The following CDK14 variants were observed in gnomAD, a reference collection of about 807,000 sequenced individuals.
CDK14 encodes the protein cyclin-dependent kinase 14.
CDK14 carries 34 observed loss-of-function variants against 60.7 expected under a neutral mutation model. The ratio of observed to expected loss-of-function variants is 0.56; its 90% confidence interval spans 0.43 to 0.75. The LOEUF (loss-of-function observed/expected upper bound fraction) is 0.75, where lower values mean the gene tolerates loss of function less well. Ranked by LOEUF, CDK14 falls within the 30% of genes least tolerant of loss-of-function variation. The probability of loss-of-function intolerance (pLI) is 0.00; values close to 1 mark genes in which losing one functional copy is unlikely to be tolerated. For synonymous variants in CDK14, 197 were observed against 203.7 expected (o/e 0.97, Z 0.28); for missense variants, 482 against 564.1 (o/e 0.85, Z 1.47).
intron 2 of CDK14, among the ~76,000 whole-genome samples, chr7:90,616,519 C>A (rs927998918): frequency 2.0e-5 from 3 of 152,076 alleles, no homozygotes; most frequent in African/African-American, 7.2e-5. Flanking sequence ...ATCCTTGGGT[C>A]ATTACATATT....
In CDK14 at chr7:90,842,799, A is replaced by G. The variant is rs185969485; in HGVS notation, c.545-20376A>G. 6.6e-5 allele frequency among the ~76,000 whole-genome samples: 10 copies of G among 152,310 alleles called. No individual in the cohort carries two copies. The East Asian group carries it at 1.9e-3, about 29-fold the overall frequency. The stretch of plus-strand genomic sequence containing the variant: ...TTTTTGCACCATTGCAAAAGTTGGT[A>G]CCTGGAACCCTAATTTGTAAAATTT... On this transcript the variant is annotated intron_variant, in intron 5 of 14. Coordinates refer to ENST00000380050, the MANE Select transcript of CDK14 (RefSeq NM_001287135.2).
At chr7:91,085,273 G>T (rs1378326709) in intron 12 of CDK14, among the ~76,000 whole-genome samples, 1 of 152,158 alleles carries the variant, frequency 6.6e-6, no homozygotes, top group East Asian at 1.9e-4. Flanking sequence ...TGCTCATGCA[G>T]GTTGTTGGCA....
intron 2 of CDK14, among the ~76,000 whole-genome samples, chr7:90,693,005 C>T (rs535205736): frequency 2.2e-4 from 34 of 151,652 alleles, no homozygotes; most frequent in African/African-American, 8.2e-4. Context: ...GTGGGATGTA[C>T]TAGGAAAAGG....
At chr7:91,005,980 A>T (rs544243912) in intron 10 of CDK14, among the ~76,000 whole-genome samples, 1 of 152,216 alleles carries the variant, frequency 6.6e-6, no homozygotes, top group Non-Finnish European at 1.5e-5. Flanking sequence ...AAAGACACCC[A>T]GTCTTGTCCT....
rs149576590 is a variant in CDK14, at chr7:91,171,433, T to C, written c.*29-35732T>C. On this transcript the variant is annotated intron_variant, in intron 14 of 14. Transcript: ENST00000380050. ...ATATTTGCTATGACTAGTGTTGTTA[T>C]ATGAACTAAAAGATGCTTTTATTAG... Among the ~76,000 whole-genome samples, 10 of 152,340 alleles carry C rather than the reference T, an allele frequency of 6.6e-5. 1 individual carries two copies. In the East Asian group the frequency reaches 1.7e-3, roughly 26 times the overall value.
chr7:90,707,708 G>A lies in CDK14; in HGVS notation c.124-18859G>A, dbSNP rs1373775850. 3.3e-5 allele frequency among the ~76,000 whole-genome samples: 5 copies of A among 152,140 alleles called. No individual in the cohort carries two copies. The South Asian group carries it at 1.0e-3, about 32-fold the overall frequency. On this transcript the variant is annotated intron_variant, in intron 2 of 14. Coordinates refer to ENST00000380050, the MANE Select transcript of CDK14 (RefSeq NM_001287135.2). ...TGGTTATTTCCTCATACAGCTTCCA[G>A]TTTCAGGCTTCATGCTATTCCCCAA...
At chr7:90,837,704 C>CT (rs1351853773) in intron 5 of CDK14, among the ~76,000 whole-genome samples, 2 of 152,020 alleles carry the variant, frequency 1.3e-5, no homozygotes, top group African/African-American at 4.8e-5. Context: ...TTCTTCTTTG[C>CT]TTTTTTTACT....
At chr7:90,706,402 T>C (rs1212684785) in intron 2 of CDK14, among the ~76,000 whole-genome samples, 1 of 152,186 alleles carries the variant, frequency 6.6e-6, no homozygotes, top group Non-Finnish European at 1.5e-5. Flanking sequence ...TGTTTGAACT[T>C]CTGTCATCAG....
intron 6 of CDK14, among the ~76,000 whole-genome samples, chr7:90,886,839 A>G (rs1158296651): frequency 6.6e-6 from 1 of 152,172 alleles, no homozygotes; most frequent in Non-Finnish European, 1.5e-5. Context: ...TTTCCAGAGT[A>G]TCTGTAATTT....
intron 14 of CDK14, among the ~76,000 whole-genome samples, chr7:91,168,584 C>T (rs1022659489): frequency 6.6e-6 from 1 of 152,080 alleles, no homozygotes; most frequent in African/African-American, 2.4e-5. Flanking sequence ...ATTTTTCTCT[C>T]TTAAAAAGAA....
intron 11 of CDK14, among the ~76,000 whole-genome samples, chr7:91,053,013 A>AT (rs1797435576): frequency 6.6e-6 from 1 of 151,688 alleles, no homozygotes; most frequent in African/African-American, 2.4e-5. Flanking sequence ...CAAAAAAAAA[A>AT]GCCGTCTCTT....
intron 5 of CDK14, among the ~76,000 whole-genome samples, chr7:90,834,471 T>C (rs1241521721): frequency 1.3e-5 from 2 of 152,062 alleles, no homozygotes; most frequent in East Asian, 3.9e-4. Flanking sequence ...AAGATGAGAT[T>C]TTATTAGGAC....
intron 6 of CDK14, among the ~76,000 whole-genome samples, chr7:90,897,831 C>T (rs80137350): frequency 0.13 from 19,336 of 151,948 alleles, 1,481 homozygotes; most frequent in Middle Eastern, 0.27. Context: ...CCCATCTGTA[C>T]TTAGTTCCTT....
At chr7:90,870,948 A>G (rs375887544) in intron 6 of CDK14, among the ~76,000 whole-genome samples, 3 of 152,368 alleles carry the variant, frequency 2.0e-5, no homozygotes, top group African/African-American at 7.2e-5. Context: ...AAACAAGAAT[A>G]GAAATCTAGT....
At chr7:90,607,035 A>G (rs916407718) in intron 2 of CDK14, among the ~76,000 whole-genome samples, 3 of 152,160 alleles carry the variant, frequency 2.0e-5, no homozygotes, top group African/African-American at 7.2e-5. Flanking sequence ...ACCTTGTAGT[A>G]AGGTTTGAGG....
chr7:90,845,152 C>G (rs1790426277), intron 5 of CDK14, among the ~76,000 whole-genome samples: 1 of 152,112 alleles, frequency 6.6e-6, no homozygotes, highest in South Asian at 2.1e-4. Flanking sequence ...TCTCCAGTAC[C>G]TAGCACAGTG....
chr7:90,662,488 A>G (rs751720854), intron 2 of CDK14, among the ~76,000 whole-genome samples: 7 of 152,232 alleles, frequency 4.6e-5, no homozygotes, highest in Non-Finnish European at 7.3e-5. Context: ...TTTCATTTGA[A>G]TACTTCATTG....
chr7:90,644,220 A>AT (rs1472203416), intron 2 of CDK14, among the ~76,000 whole-genome samples: 2 of 152,176 alleles, frequency 1.3e-5, no homozygotes, highest in Non-Finnish European at 2.9e-5. Context: ...AACTAAGAAA[A>AT]TCAGTTTCGG....
At chr7:90,696,549 A>G (rs1801663642) in intron 2 of CDK14, among the ~76,000 whole-genome samples, 1 of 151,940 alleles carries the variant, frequency 6.6e-6, no homozygotes, top group African/African-American at 2.4e-5. Context: ...TCCTGGCCTC[A>G]AGTGATCCGC....
Sources: allele counts gnomAD v4.1 joint callset (sites outside exome capture counted in the v4.1 genomes callset), GRCh38; gene constraint gnomAD v4.1.1; transcripts MANE v1.5; gene names NCBI Gene and HGNC (gene_info 2026-07-23, HGNC 2026-07-21).